The following EXOC6B variants were observed in gnomAD, a reference collection of about 807,000 sequenced individuals.
The protein encoded by EXOC6B is exocyst complex component 6B.
Under a neutral mutation model 113.5 loss-of-function variants are expected in EXOC6B, and 54 were observed. The ratio of observed to expected loss-of-function variants is 0.48; its 90% CI spans 0.38 to 0.60. The LOEUF is 0.60. Ranked by LOEUF, EXOC6B falls within the 20% of genes least tolerant of loss-of-function variation. The pLI, the probability that EXOC6B is intolerant of heterozygous loss-of-function variation, is 0.00. For missense variants in EXOC6B, 797 were observed against 977.5 expected (o/e 0.82, Z 2.46); for synonymous variants, 357 against 339.0 (o/e 1.05, Z -0.58).
intron 5 of EXOC6B, among the ~76,000 whole-genome samples, chr2:72,723,008 T>C (rs762906428): frequency 6.6e-6 from 1 of 152,160 alleles, no homozygotes; most frequent in Non-Finnish European, 1.5e-5. Context: ...CCCAGTATAG[T>C]CACATTTTAA....
intron 1 of EXOC6B, among the ~76,000 whole-genome samples, chr2:72,769,444 G>A (rs1683283537): frequency 6.6e-6 from 1 of 152,170 alleles, no homozygotes; most frequent in Admixed American, 6.5e-5. Flanking sequence ...TCAAGGAAGT[G>A]ATAAAAATAT....
intron 1 of EXOC6B, among the ~76,000 whole-genome samples, chr2:72,759,631 G>A (rs1157782191): frequency 6.6e-6 from 1 of 152,106 alleles, no homozygotes; most frequent in Admixed American, 6.6e-5. Context: ...ACGTGGGAAA[G>A]GGCAGAAACC....
chr2:72,327,449 G>A (rs549991032), intron 20 of EXOC6B, among the ~76,000 whole-genome samples: 2 of 152,002 alleles, frequency 1.3e-5, no homozygotes, highest in Admixed American at 6.6e-5. Flanking sequence ...AATTCCATGG[G>A]GACTTTTAGG....
chr2:72,656,279 T>G (rs1269946881), intron 6 of EXOC6B, among the ~76,000 whole-genome samples: 2 of 152,128 alleles, frequency 1.3e-5, no homozygotes, highest in African/African-American at 2.4e-5. Flanking sequence ...AGGAAAAAGT[T>G]TAATTGTTCA....
At chr2:72,653,465 G>A (rs1573562052) in intron 6 of EXOC6B, among the ~76,000 whole-genome samples, 1 of 146,922 alleles carries the variant, frequency 6.8e-6, no homozygotes, top group East Asian at 2.0e-4. Context: ...TAAATGACGA[G>A]TTAATGGGTG....
At chr2:72,317,801 G>A (rs1276262792) in intron 20 of EXOC6B, among the ~76,000 whole-genome samples, 1 of 151,966 alleles carries the variant, frequency 6.6e-6, no homozygotes, top group Non-Finnish European at 1.5e-5. Context: ...AGTTTCTTGT[G>A]GTTCCAAGAC....
At position 72,825,945 on chromosome 2, in the gene EXOC6B, C is replaced by G. The variant is rs370884599; in HGVS notation, c.-35G>C. On this transcript the variant is annotated 5_prime_UTR_variant, in exon 1 of 22. Transcript: ENST00000272427. The surrounding 1 kb of genome is among the most constrained non-coding windows in gnomAD (Gnocchi z 4.4). ...GCGCCCCGCAGCGCGTCCCCTCCGT[C>G]GGCTCGGCTCACCTTTTCCCTGCCC... The G allele has an allele frequency of 3.7e-5, 60 of 1,606,420 alleles. No homozygotes were observed. In the African/African-American group the frequency reaches 7.6e-4, roughly 20 times the overall value.
At chr2:72,380,152 C>G (rs1691598243) in intron 18 of EXOC6B, among the ~76,000 whole-genome samples, 1 of 152,106 alleles carries the variant, frequency 6.6e-6, no homozygotes, top group Admixed American at 6.6e-5. Flanking sequence ...AAATTGACAT[C>G]AAACAATATT....
intron 1 of EXOC6B, among the ~76,000 whole-genome samples, chr2:72,808,054 A>G (rs1370930073): frequency 6.6e-6 from 1 of 152,220 alleles, no homozygotes; most frequent in Non-Finnish European, 1.5e-5. Context: ...GTGTCAAAAC[A>G]TCTCCTATAG....
At chr2:72,604,223 A>G (rs1670613753) in intron 6 of EXOC6B, among the ~76,000 whole-genome samples, 1 of 152,182 alleles carries the variant, frequency 6.6e-6, no homozygotes, top group African/African-American at 2.4e-5. Flanking sequence ...TAAATCTCAT[A>G]CATGCCTAGA....
chr2:72,633,750 A>AAGAC (rs1419469640), intron 6 of EXOC6B, among the ~76,000 whole-genome samples: 1 of 152,228 alleles, frequency 6.6e-6, no homozygotes, highest in Admixed American at 6.5e-5. Context: ...TGAAGTGTCT[A>AAGAC]AGACAGTATA....
At chr2:72,616,691 C>G (rs1280171227) in intron 6 of EXOC6B, among the ~76,000 whole-genome samples, 1 of 152,138 alleles carries the variant, frequency 6.6e-6, no homozygotes, top group East Asian at 1.9e-4. Flanking sequence ...ATTCAATTAT[C>G]CCCCACCGAG....
At chr2:72,684,581 A>C (rs1183948758) in intron 6 of EXOC6B, among the ~76,000 whole-genome samples, 2 of 152,226 alleles carry the variant, frequency 1.3e-5, no homozygotes, top group Non-Finnish European at 2.9e-5. Context: ...GGTATCCATC[A>C]ATAGGACAAT....
intron 20 of EXOC6B, among the ~76,000 whole-genome samples, chr2:72,332,286 G>C (rs1022508934): frequency 6.6e-6 from 1 of 151,926 alleles, no homozygotes; most frequent in Non-Finnish European, 1.5e-5. Context: ...GTTTAGATAG[G>C]TCATTATGTA....
intron 20 of EXOC6B, among the ~76,000 whole-genome samples, chr2:72,244,986 G>A (rs977462644): frequency 1.3e-5 from 2 of 152,098 alleles, no homozygotes; most frequent in African/African-American, 4.8e-5. Flanking sequence ...AGAAATCAAA[G>A]ATCTAAGTAA....
intron 20 of EXOC6B, among the ~76,000 whole-genome samples, chr2:72,272,467 T>C (rs1159181421): frequency 6.6e-6 from 1 of 152,258 alleles, no homozygotes; most frequent in East Asian, 1.9e-4. Flanking sequence ...GGGGACTATC[T>C]GTCAAGTATA....
intron 19 of EXOC6B, among the ~76,000 whole-genome samples, chr2:72,377,326 C>T (rs1327262574): frequency 6.6e-6 from 1 of 152,036 alleles, no homozygotes; most frequent in African/African-American, 2.4e-5. Flanking sequence ...ATACAACTAC[C>T]ATATGATTCA....
intron 18 of EXOC6B, among the ~76,000 whole-genome samples, chr2:72,425,849 T>C (rs1394787367): frequency 1.3e-5 from 2 of 152,180 alleles, no homozygotes; most frequent in African/African-American, 4.8e-5. Context: ...TTTTCTTCAA[T>C]ACTCTACAGA....
At chr2:72,209,556 C>T (rs142866377) in intron 20 of EXOC6B, among the ~76,000 whole-genome samples, 3 of 152,084 alleles carry the variant, frequency 2.0e-5, no homozygotes, top group Non-Finnish European at 4.4e-5. Flanking sequence ...AAAGCTCAGA[C>T]TTCCCTAAAA....
Sources: allele counts gnomAD v4.1 joint callset (sites outside exome capture counted in the v4.1 genomes callset), GRCh38; gene constraint gnomAD v4.1.1; non-coding constraint Gnocchi (gnomAD v3.1); transcripts MANE v1.5; gene names NCBI Gene and HGNC (gene_info 2026-07-23, HGNC 2026-07-21).